FHIT: variants seen among roughly 807,000 people sequenced by gnomAD.
FHIT encodes bis(5'-adenosyl)-triphosphatase.
A neutral mutation model predicts 17.9 loss-of-function variants in FHIT; 19 were observed. The observed-to-expected ratio is 1.06, with a 90% CI of 0.74 to 1.56. The LOEUF is 1.56. Ranked by LOEUF, FHIT falls within the 40% of genes most tolerant of loss-of-function variation. The pLI is 0.00. For missense variants in FHIT, 248 were observed against 189.2 expected (o/e 1.31, Z -1.82); for synonymous variants, 81 against 69.7 (o/e 1.16, Z -0.81).
Position 60,536,966 on chromosome 3 carries a change from C to G in FHIT, c.-4G>C, listed in dbSNP as rs1309317896. The stretch of plus-strand genomic sequence containing the variant: ...GTTGGCCAAATCTGAACGACATGTC[C>G]TCACAGTTGAAGTCTAAAAGAAAAG... On this transcript the variant is annotated 5_prime_UTR_variant, in exon 5 of 10. Coordinates refer to ENST00000492590, the MANE Select transcript of FHIT (RefSeq NM_002012.4). 6 of 1,605,402 alleles carry G rather than the reference C, an allele frequency of 3.7e-6. No homozygotes were observed. The highest frequency in any genetic ancestry group is 3.4e-5 in the Admixed American group (2 of 58,390).
intron 2 of FHIT, among the ~76,000 whole-genome samples, chr3:61,143,637 G>A (rs1393921492): frequency 1.3e-5 from 2 of 152,154 alleles, no homozygotes; most frequent in African/African-American, 4.8e-5. Flanking sequence ...AGGCCGAGGC[G>A]GGTGGATCAC....
chr3:59,968,519 A>C (rs1708035640), intron 7 of FHIT, among the ~76,000 whole-genome samples: 1 of 152,148 alleles, frequency 6.6e-6, no homozygotes, highest in Non-Finnish European at 1.5e-5. Context: ...AGCCTAGTCC[A>C]TCAAGAAATA....
chr3:61,239,918 T>C (rs376383934), intron 1 of FHIT, among the ~76,000 whole-genome samples: 9 of 151,976 alleles, frequency 5.9e-5, no homozygotes, highest in East Asian at 1.9e-4. Context: ...TGGCAGCTTG[T>C]TGGAAATGCA....
At chr3:60,182,827 G>C (rs1402676796) in intron 5 of FHIT, among the ~76,000 whole-genome samples, 1 of 151,254 alleles carries the variant, frequency 6.6e-6, no homozygotes, top group African/African-American at 2.4e-5. Flanking sequence ...TGAGTTGTTA[G>C]TTCCTCCTTT....
At chr3:61,008,288 C>T (rs1342902443) in intron 3 of FHIT, among the ~76,000 whole-genome samples, 1 of 152,168 alleles carries the variant, frequency 6.6e-6, no homozygotes, top group Non-Finnish European at 1.5e-5. Context: ...AATCACATGC[C>T]TGTTATGTAA....
chr3:60,507,899 A>G lies in FHIT; in HGVS notation c.103+28961T>C, dbSNP rs529944122. Reference sequence around the variant, plus strand: ...TAGTATTCCATGGTGTATATGTACAACATTTTCTTTATCCAGTCTACCACT... The same window carrying G: ...TAGTATTCCATGGTGTATATGTACAGCATTTTCTTTATCCAGTCTACCACT... On this transcript the variant is annotated intron_variant, in intron 5 of 9. Transcript: ENST00000492590. Among the ~76,000 whole-genome samples, 7 of 152,314 alleles carry G rather than the reference A, an allele frequency of 4.6e-5. No individual in the cohort carries two copies. The East Asian group carries it at 1.4e-3, about 29-fold the overall frequency.
At chr3:59,869,484 C>CTTTTTTTATTTTTT (rs1702813328) in intron 8 of FHIT, among the ~76,000 whole-genome samples, 1 of 105,488 alleles carries the variant, frequency 9.5e-6, no homozygotes, top group East Asian at 3.0e-4. Context: ...AAAGAACATC[C>CTTTTTTTATTTTTT]TTTTTTTTTT....
intron 5 of FHIT, among the ~76,000 whole-genome samples, chr3:60,371,704 AAT>A (rs1467075229): frequency 6.6e-5 from 10 of 152,204 alleles, no homozygotes; most frequent in Admixed American, 5.9e-4. Context: ...ACATTTAAAA[AAT>A]ACCCCCAGAT....
intron 4 of FHIT, among the ~76,000 whole-genome samples, chr3:60,668,707 G>A (rs1285473763): frequency 6.6e-6 from 1 of 151,924 alleles, no homozygotes; most frequent in Admixed American, 6.6e-5. Context: ...GACTACAAGT[G>A]CCCACCACTA....
At chr3:60,296,768 A>G (rs1179438280) in intron 5 of FHIT, among the ~76,000 whole-genome samples, 1 of 152,054 alleles carries the variant, frequency 6.6e-6, no homozygotes, top group African/African-American at 2.4e-5. Context: ...AGTTTCTAAA[A>G]GTTTTATTTT....
chr3:59,870,687 A>C (rs995581553), intron 8 of FHIT, among the ~76,000 whole-genome samples: 3 of 152,176 alleles, frequency 2.0e-5, no homozygotes, highest in African/African-American at 7.2e-5. Context: ...ATGTGTCAAA[A>C]ATCAAAACCA....
chr3:60,954,891 T>C (rs1709043306), intron 3 of FHIT, among the ~76,000 whole-genome samples: 1 of 152,174 alleles, frequency 6.6e-6, no homozygotes, highest in Non-Finnish European at 1.5e-5. Flanking sequence ...TGGCTCAAAA[T>C]ACTTTTCCAA....
At chr3:60,259,351 C>T (rs1202518359) in intron 5 of FHIT, among the ~76,000 whole-genome samples, 2 of 152,040 alleles carry the variant, frequency 1.3e-5, no homozygotes, top group East Asian at 1.9e-4. Flanking sequence ...ACAATCTGTT[C>T]AGGGGAAAGC....
In FHIT at chr3:61,128,806, C is replaced by T. The variant is rs184263105; in HGVS notation, c.-164+71811G>A. ...TTTTTCTTAATTCTCAATGTTCATT[C>T]TGGAAGATTCAAGGTTATCTACTAC... is the stretch of plus-strand genomic sequence containing the variant. On this transcript the variant is annotated intron_variant, in intron 2 of 9. Coordinates refer to ENST00000492590, the MANE Select transcript of FHIT (RefSeq NM_002012.4). Among the ~76,000 whole-genome samples, 37 of 151,530 alleles carry T rather than the reference C, an allele frequency of 2.4e-4. 1 individual carries two copies. Among genetic ancestry groups the T allele is most frequent in the Admixed American group, 2.3e-3 (35 of 15,214 alleles).
intron 5 of FHIT, among the ~76,000 whole-genome samples, chr3:60,423,979 G>C (rs988074416): frequency 2.6e-5 from 4 of 151,960 alleles, no homozygotes; most frequent in Non-Finnish European, 1.5e-5. Flanking sequence ...ACTTCTTTCT[G>C]CTTTTATCCT....
At chr3:60,368,964 A>G (rs1223332079) in intron 5 of FHIT, among the ~76,000 whole-genome samples, 1 of 150,448 alleles carries the variant, frequency 6.6e-6, no homozygotes, top group African/African-American at 2.5e-5. Flanking sequence ...CAATCATGGC[A>G]CTTTTCTTTT....
intron 5 of FHIT, among the ~76,000 whole-genome samples, chr3:60,359,515 G>A (rs1205533796): frequency 2.0e-5 from 3 of 152,080 alleles, no homozygotes; most frequent in East Asian, 1.9e-4. Context: ...TCTTGACCTC[G>A]TGATCCACCC....
chr3:60,601,655 T>A (rs1415099113), intron 4 of FHIT, among the ~76,000 whole-genome samples: 1 of 152,018 alleles, frequency 6.6e-6, no homozygotes, highest in African/African-American at 2.4e-5. Flanking sequence ...ACTACCTGAA[T>A]GAGGAGAGGG....
At chr3:60,169,329 G>T (rs994137479) in intron 5 of FHIT, among the ~76,000 whole-genome samples, 1 of 152,016 alleles carries the variant, frequency 6.6e-6, no homozygotes. Context: ...TGGTTATTCC[G>T]GGCTCCACAA....
Sources: allele counts gnomAD v4.1 joint callset (sites outside exome capture counted in the v4.1 genomes callset), GRCh38; gene constraint gnomAD v4.1.1; transcripts MANE v1.5; gene names NCBI Gene and HGNC (gene_info 2026-07-23, HGNC 2026-07-21).